Variants in QRICH1 observed in about 807,000 individuals in gnomAD.
The protein encoded by QRICH1 is transcriptional regulator QRICH1.
Under a neutral mutation model 87.1 loss-of-function variants are expected in QRICH1, and 16 were observed. The ratio of observed to expected loss-of-function variants is 0.18; its 90% confidence interval spans 0.12 to 0.28. QRICH1 has a LOEUF of 0.28. Among genes scored for constraint, QRICH1 ranks in the 10% least tolerant of loss-of-function variants. The pLI, the probability that QRICH1 is intolerant of heterozygous loss-of-function variation, is 1.00. For missense variants in QRICH1, 647 were observed against 951.7 expected, an observed-to-expected ratio of 0.68 and a Z score of 4.21; for synonymous variants, 367 against 368.4, an observed-to-expected ratio of 1.00 and a Z score of 0.05.
intron 3 of QRICH1, among the ~76,000 whole-genome samples, chr3:49,053,143 A>T (rs1339801701): frequency 6.6e-6 from 1 of 152,104 alleles, no homozygotes; most frequent in Non-Finnish European, 1.5e-5. Flanking sequence ...GGAATAAAGA[A>T]GATTCAGATG....
At chr3:49,036,120 G>A (rs1433471931) in intron 6 of QRICH1, among the ~76,000 whole-genome samples, 1 of 151,914 alleles carries the variant, frequency 6.6e-6, no homozygotes, top group Non-Finnish European at 1.5e-5. Context: ...AAATAAAACA[G>A]ACTCTATTGA....
chr3:49,080,661 C>G (rs1179262694), intron 1 of QRICH1, among the ~76,000 whole-genome samples: 1 of 152,048 alleles, frequency 6.6e-6, no homozygotes, highest in Admixed American at 6.6e-5. Context: ...TCAGAAGGGG[C>G]AGCTTAAGCC....
intron 1 of QRICH1, among the ~76,000 whole-genome samples, chr3:49,079,517 C>T (rs1448273014): frequency 6.8e-6 from 1 of 147,016 alleles, no homozygotes; most frequent in Non-Finnish European, 1.5e-5. Flanking sequence ...AATATTATAA[C>T]AATTATAATA....
chr3:49,047,019 T>G (rs753018781), intron 4 of QRICH1, 50 bp downstream of exon 4: 1 of 1,574,510 alleles, frequency 6.4e-7, no homozygotes, highest in Admixed American at 1.8e-5. Flanking sequence ...CCTGTTACTT[T>G]AGTACCATTG....
intron 2 of QRICH1, among the ~76,000 whole-genome samples, chr3:49,058,546 G>C (rs917429419): frequency 3.3e-5 from 5 of 152,072 alleles, no homozygotes; most frequent in Non-Finnish European, 7.4e-5. Flanking sequence ...AGCTAATCTT[G>C]AACTCCTGAC....
chr3:49,084,769 T>C (rs1456884495), intron 1 of QRICH1, among the ~76,000 whole-genome samples: 1 of 149,662 alleles, frequency 6.7e-6, no homozygotes, highest in East Asian at 2.1e-4. Context: ...CCTCAAAAAA[T>C]GATAAAAAGG....
At position 49,057,194 on chromosome 3, in the gene QRICH1, C is replaced by A; in HGVS notation, c.1006G>T (p.Ala336Ser). The A allele has an allele frequency of 6.2e-7, 1 of 1,614,220 alleles. No individual in the cohort carries two copies. Among genetic ancestry groups the A allele is most frequent in the Non-Finnish European group, 8.5e-7 (1 of 1,180,044 alleles). Residue 336 changes from alanine (A) to serine (S), a missense_variant, in exon 3 of 10, where the codon GCC becomes TCC. Ala to Ser is a moderately conservative substitution (Grantham distance 99, BLOSUM62 1). Around this residue, in one of 7 missense-constraint regions of QRICH1, gnomAD observed 115 missense variants for 126.8 expected, o/e 0.91. Coordinates refer to ENST00000395443, the MANE Select transcript of QRICH1 (RefSeq NM_198880.3). This position sits in a 1 kb window ranked among gnomAD's most constrained non-coding sequence, Gnocchi z 5.4. ...SITHIAIPQE[A>S]YNAVHVSGSP... ...CCACTGACGTGAACTGCGTTGTAGG[C>A]TTCCTGGGGAATGGCAATGTGGGTA...
rs377606487 is a variant in QRICH1, at chr3:49,042,580, G to T, written c.1786+1810C>A. Among the ~76,000 whole-genome samples the T allele has an allele frequency of 6.7e-3, 978 of 146,092 alleles. 12 individuals carry two copies. Among genetic ancestry groups the T allele is most frequent in the African/African-American group, 0.023 (929 of 40,118 alleles). ...GAGGGATAAACAGGTGAAAAGGTTT[G>T]TTTTTTTTTTTGAGACGGAGTCGCG... On this transcript the variant is annotated intron_variant, in intron 6 of 9. Coordinates refer to ENST00000395443, the MANE Select transcript of QRICH1 (RefSeq NM_198880.3).
intron 2 of QRICH1, among the ~76,000 whole-genome samples, chr3:49,076,268 G>T (rs1171375392): frequency 1.3e-5 from 2 of 152,234 alleles, no homozygotes; most frequent in East Asian, 3.8e-4. Flanking sequence ...GCCTCGGAAA[G>T]CCAGTCCCCC....
At chr3:49,032,132 G>T in intron 9 of QRICH1, 51 bp downstream of exon 9, 1 of 1,375,680 alleles carries the variant, frequency 7.3e-7, no homozygotes, top group African/African-American at 1.4e-5. Context: ...GCATGCACAC[G>T]CATACACACA....
rs1409901221 is a variant in QRICH1, at chr3:49,032,755, T to C, written c.1914A>G (p.Thr638=). 2 of 1,606,880 alleles carry C rather than the reference T, an allele frequency of 1.2e-6. No homozygotes were observed. Among genetic ancestry groups the C allele is most frequent in the Non-Finnish European group, 8.5e-7 (1 of 1,177,942 alleles). The change falls in exon 8 of 10, where the codon ACA becomes ACG. Residue 638 remains threonine, a synonymous_variant. Transcript: ENST00000395443. ...AGGCCAGCTTCATGTGCTGGTCCAC[T>C]GTCTTCAATAGGAAGTACCTGGATC... is the stretch of plus-strand genomic sequence containing the variant. ...FFNTKYFLLK[T]VDQHMKLAFS...
chr3:49,053,398 T>C (rs985162780), intron 3 of QRICH1, among the ~76,000 whole-genome samples: 1 of 143,316 alleles, frequency 7.0e-6, no homozygotes, highest in Non-Finnish European at 1.5e-5. Context: ...TGAGGCAAAA[T>C]GGTGTGAACT....
chr3:49,060,695 C>T (rs1251847877), intron 2 of QRICH1, among the ~76,000 whole-genome samples: 3 of 152,274 alleles, frequency 2.0e-5, no homozygotes, highest in Non-Finnish European at 2.9e-5. Context: ...GGTCCGTAGG[C>T]GAACGACACA....
chr3:49,055,892 T>C (rs1260078946), intron 3 of QRICH1, among the ~76,000 whole-genome samples: 1 of 152,196 alleles, frequency 6.6e-6, no homozygotes, highest in Admixed American at 6.6e-5. Flanking sequence ...TTGGCCAAGC[T>C]GATCTCAAAC....
intron 1 of QRICH1, among the ~76,000 whole-genome samples, chr3:49,082,964 TG>T (rs977484098): frequency 8.6e-5 from 13 of 150,580 alleles, no homozygotes; most frequent in Admixed American, 8.0e-4. Flanking sequence ...CTATGGACTT[TG>T]GGGGGCCAAG....
At chr3:49,079,749 C>G (rs763320736) in intron 1 of QRICH1, among the ~76,000 whole-genome samples, 1 of 151,998 alleles carries the variant, frequency 6.6e-6, no homozygotes, top group African/African-American at 2.4e-5. Context: ...CATCTTTCAG[C>G]CCAGTGCGGT....
chr3:49,046,357 T>TAACTA lies in QRICH1; in HGVS notation c.1671+63_1671+67dup, dbSNP rs1348563115. 2.0e-5 allele frequency: 30 copies of TAACTA among 1,463,784 alleles called. No homozygotes were observed. In the South Asian group the frequency reaches 3.8e-4, roughly 19 times the overall value. The allele number at this position is 1,463,784 out of a possible 1,614,324, so 90.7% of individuals were successfully genotyped here. A position where few individuals can be genotyped will look rare whatever the true frequency, so the allele number is the denominator to read the frequency against. On this transcript the variant is annotated intron_variant, in intron 5 of 9. Transcript: ENST00000395443. ...TTTAACTTCTTGCTTATCAATTTAT[T>TAACTA]AACTAAACTAGCAAACATCCAATAG...
intron 1 of QRICH1, among the ~76,000 whole-genome samples, chr3:49,089,032 T>C (rs1033842605): frequency 6.6e-6 from 1 of 152,070 alleles, no homozygotes; most frequent in African/African-American, 2.4e-5. Flanking sequence ...TTTAGGGGCA[T>C]TTTCATCACG....
intron 3 of QRICH1, among the ~76,000 whole-genome samples, chr3:49,054,098 C>G (rs1393456375): frequency 6.6e-6 from 1 of 152,114 alleles, no homozygotes; most frequent in Non-Finnish European, 1.5e-5. Flanking sequence ...ATGTAAATCA[C>G]TCTAAGACTT....
Sources: gnomAD v4.1 joint callset for allele counts (sites outside exome capture counted in the v4.1 genomes callset) on GRCh38, gnomAD v4.1.1 for gene constraint, gnomAD v4.1.1 regional missense constraint, Gnocchi (gnomAD v3.1) non-coding constraint, MANE v1.5 for transcripts, NCBI Gene and HGNC (gene_info 2026-07-23, HGNC 2026-07-21) for gene names.